The following ZMYND8 variants were observed in gnomAD, a reference collection of about 807,000 sequenced individuals.
ZMYND8 encodes MYND-type zinc finger-containing chromatin reader ZMYND8.
Under a neutral mutation model 140.8 loss-of-function variants are expected in ZMYND8, and 37 were observed. The observed-to-expected ratio is 0.26, with a 90% CI of 0.20 to 0.35. The LOEUF (loss-of-function observed/expected upper bound fraction) is 0.35, where lower values mean the gene tolerates loss of function less well. Among genes scored for constraint, ZMYND8 ranks in the 10% least tolerant of loss-of-function variants. The pLI is 1.00. For synonymous variants in ZMYND8, 592 were observed against 597.1 expected, an observed-to-expected ratio of 0.99 and a Z score of 0.12; for missense variants, 1,068 against 1,570.0, an observed-to-expected ratio of 0.68 and a Z score of 5.40.
At chr20:47,267,294 G>T (rs2075598375) in intron 11 of ZMYND8, among the ~76,000 whole-genome samples, 1 of 152,046 alleles carries the variant, frequency 6.6e-6, no homozygotes, top group Non-Finnish European at 1.5e-5. Flanking sequence ...CTGTTTGGTG[G>T]GTACAGGGTT....
chr20:47,298,339 A>C lies in ZMYND8; in HGVS notation c.453+390T>G. Reference sequence around the variant, plus strand: ...GGTCTTCTCAGCTTGGCTACTGCTGATGATTCAATGATGCGGCAGGCAACA... The same window carrying C: ...GGTCTTCTCAGCTTGGCTACTGCTGCTGATTCAATGATGCGGCAGGCAACA... On this transcript the variant is annotated intron_variant, in intron 4 of 22. Transcript: ENST00000471951. The surrounding 1 kb of genome is among the most constrained non-coding windows in gnomAD (Gnocchi z 5.0). The C allele has an allele frequency of 5.1e-6, 5 of 985,434 alleles. No homozygotes were observed. The highest frequency in any genetic ancestry group is 6.0e-6 in the Non-Finnish European group (5 of 829,932). The allele number at this position is 985,434 out of a possible 1,614,324, so 61.0% of individuals were successfully genotyped here.
chr20:47,351,582 C>A (rs1192264809), intron 1 of ZMYND8: 18 of 839,486 alleles, frequency 2.1e-5, no homozygotes, highest in Non-Finnish European at 2.6e-5. Context: ...ATAACATCTT[C>A]CTCTTCTAGA....
At chr20:47,276,258 A>G (rs1427456056) in intron 11 of ZMYND8, 56 bp downstream of exon 11, 5 of 1,489,186 alleles carry the variant, frequency 3.4e-6, no homozygotes, top group Non-Finnish European at 4.4e-6. Context: ...GTGTGCACCC[A>G]TGGGAAACCC....
intron 2 of ZMYND8, among the ~76,000 whole-genome samples, chr20:47,344,636 G>A (rs73306015): frequency 0.042 from 6,331 of 152,224 alleles, 465 homozygotes; most frequent in African/African-American, 0.14. Context: ...CCTTTAGTTG[G>A]TAATAACATA....
chr20:47,312,483 G>A lies in ZMYND8; in HGVS notation c.86-2279C>T, dbSNP rs1172219745. Among the ~76,000 whole-genome samples, 3 of 152,140 alleles carry A rather than the reference G, an allele frequency of 2.0e-5. No homozygotes were observed. The East Asian group carries it at 5.8e-4, about 29-fold the overall frequency. On this transcript the variant is annotated intron_variant, in intron 2 of 22. Coordinates refer to ENST00000471951, the MANE Select transcript of ZMYND8 (RefSeq NM_001281775.3). ...GGGTGAACAGACCTGAGAGTCCAGA[G>A]ATCAAACCACAGACATCAAAAGGGC...
chr20:47,321,725 C>T (rs1291588283), intron 2 of ZMYND8, among the ~76,000 whole-genome samples: 2 of 152,142 alleles, frequency 1.3e-5, no homozygotes, highest in African/African-American at 4.8e-5. Context: ...GGAAAACTGT[C>T]CCAGGAAGGC....
At chr20:47,249,179 G>A in intron 13 of ZMYND8, 108 bp downstream of exon 13, 1 of 1,336,300 alleles carries the variant, frequency 7.5e-7, no homozygotes, top group South Asian at 1.5e-5. Flanking sequence ...AGTTAAAGCA[G>A]CTGCTAAAAG....
At chr20:47,240,298 TGTG>T (rs2039795957) in intron 14 of ZMYND8, among the ~76,000 whole-genome samples, 2 of 151,920 alleles carry the variant, frequency 1.3e-5, no homozygotes, top group Admixed American at 6.6e-5. Context: ...GCGGATCACT[TGTG>T]GTCAGGAGTT....
At chr20:47,222,987 C>T (rs554827683) in intron 19 of ZMYND8, among the ~76,000 whole-genome samples, 2 of 152,314 alleles carry the variant, frequency 1.3e-5, no homozygotes, top group Admixed American at 6.5e-5. Context: ...GTGTACAAAG[C>T]CTAAAATATT....
intron 7 of ZMYND8, among the ~76,000 whole-genome samples, chr20:47,288,771 T>C (rs1254333562): frequency 6.6e-6 from 1 of 152,240 alleles, no homozygotes. Context: ...TAATGCAATA[T>C]GGTGCGTAAA....
In ZMYND8 at chr20:47,227,263, C is replaced by T; in HGVS notation, c.2956G>A (p.Glu986Lys). Residue 986 changes from glutamate to lysine, a missense_variant, in exon 18 of 23, where the codon GAG (glutamate) becomes AAG (lysine). Glu to Lys is a moderately conservative substitution (Grantham distance 56). This residue lies in a region of ZMYND8 where 87 missense variants were observed against 151.1 expected (regional missense o/e 0.58). Coordinates refer to ENST00000471951, the MANE Select transcript of ZMYND8 (RefSeq NM_001281775.3). ...TGCAGCCACTGGAGCTTCTCTATCT[C>T]GATCCTCAGCCTGCGAATCTGGAAG... ...TIAEIRRLRIEIEKLQWLHQQ... is the reference protein window; with the variant it reads ...TIAEIRRLRIKIEKLQWLHQQ... 1 of 1,614,172 alleles carries T rather than the reference C, an allele frequency of 6.2e-7. No individual in the cohort carries two copies. The highest frequency in any genetic ancestry group is 1.6e-4 in the Middle Eastern group (1 of 6,062).
rs762417002 is a variant in ZMYND8, at chr20:47,262,440, T to C, written c.1481-12A>G. 2.5e-6 allele frequency: 4 copies of C among 1,613,882 alleles called. No individual in the cohort carries two copies. Among genetic ancestry groups the C allele is most frequent in the South Asian group, 1.1e-5 (1 of 91,070 alleles). On this transcript the variant is annotated splice_polypyrimidine_tract_variant and intron_variant, in intron 11 of 22. Coordinates refer to ENST00000471951, the MANE Select transcript of ZMYND8 (RefSeq NM_001281775.3). ...GGAGGCTGGTGAAGCTGAAAAAGTA[T>C]GGCATTGTTAAAAGACAGGTTTACA...
chr20:47,335,421 AC>A (rs768882637), intron 2 of ZMYND8, among the ~76,000 whole-genome samples: 1 of 151,098 alleles, frequency 6.6e-6, no homozygotes, highest in Non-Finnish European at 1.5e-5. Context: ...ACTCACCCTC[AC>A]CCCCCCACAG....
At chr20:47,272,508 GCAAA>G (rs1449658104) in intron 11 of ZMYND8, among the ~76,000 whole-genome samples, 1 of 152,100 alleles carries the variant, frequency 6.6e-6, no homozygotes, top group Non-Finnish European at 1.5e-5. Flanking sequence ...TCGAGATCGC[GCAAA>G]CAAATACCGG....
At chr20:47,245,409 G>A (rs747243933) in intron 14 of ZMYND8, among the ~76,000 whole-genome samples, 23 of 152,036 alleles carry the variant, frequency 1.5e-4, no homozygotes, top group Non-Finnish European at 2.6e-4. Context: ...ACCACGCCCC[G>A]CTAATTTTTG....
intron 11 of ZMYND8, among the ~76,000 whole-genome samples, chr20:47,268,575 G>C (rs909660450): frequency 5.3e-5 from 8 of 151,676 alleles, no homozygotes; most frequent in Non-Finnish European, 1.0e-4. Context: ...TTACAGGTGT[G>C]AGCCACTGTG....
intron 2 of ZMYND8, among the ~76,000 whole-genome samples, chr20:47,345,188 C>T (rs968329067): frequency 6.6e-6 from 1 of 152,102 alleles, no homozygotes; most frequent in African/African-American, 2.4e-5. Flanking sequence ...TGAAATGACT[C>T]CTTCAGACTC....
chr20:47,310,091 T>G lies in ZMYND8; in HGVS notation c.199A>C (p.Lys67Gln). The change falls in exon 3 of 23, where the codon AAA becomes CAA. Residue 67 changes from lysine (K) to glutamine (Q), a missense_variant. By Grantham distance (53) the Lys-to-Gln change is moderately conservative (BLOSUM62 1). Coordinates refer to ENST00000471951, the MANE Select transcript of ZMYND8 (RefSeq NM_001281775.3). ...TTGTTACTGTTCAGTAAGCCAGGTT[T>G]CTTTTTCTTTTTAATGGGGCTTGTT... The part of the protein sequence containing the change: ...TSTSPIKKKK[K>Q]PGLLNSNNKE... The G allele has an allele frequency of 6.2e-7, 1 of 1,614,190 alleles. No individual in the cohort carries two copies. Among genetic ancestry groups the G allele is most frequent in the Non-Finnish European group, 8.5e-7 (1 of 1,180,034 alleles).
intron 1 of ZMYND8, among the ~76,000 whole-genome samples, chr20:47,350,203 C>CT (rs1348250843): frequency 2.6e-5 from 4 of 152,058 alleles, no homozygotes; most frequent in African/African-American, 7.2e-5. Context: ...AGAAAACCAT[C>CT]TTTTTCACAG....
Sources: gnomAD v4.1 joint callset for allele counts (sites outside exome capture counted in the v4.1 genomes callset) on GRCh38, gnomAD v4.1.1 for gene constraint, gnomAD v4.1.1 regional missense constraint, Gnocchi (gnomAD v3.1) non-coding constraint, MANE v1.5 for transcripts, NCBI Gene and HGNC (gene_info 2026-07-23, HGNC 2026-07-21) for gene names.